SCUBE2: variants seen among roughly 807,000 people sequenced by gnomAD.
The protein encoded by SCUBE2 is signal peptide, CUB domain and EGF like domain containing 2.
In SCUBE2, 114 loss-of-function variants were observed where a neutral mutation model predicts 125.9. The observed-to-expected ratio is 0.91, with a 90% CI of 0.78 to 1.06. The LOEUF (loss-of-function observed/expected upper bound fraction) is 1.06, where lower values mean the gene tolerates loss of function less well. Among genes scored for constraint, SCUBE2 ranks in the 50% least tolerant of loss-of-function variants. The probability of loss-of-function intolerance (pLI) is 0.00; values close to 1 mark genes in which losing one functional copy is unlikely to be tolerated. For missense variants in SCUBE2, 1,255 were observed against 1,301.8 expected (o/e 0.96, Z 0.55); for synonymous variants, 459 against 492.9 (o/e 0.93, Z 0.91).
chr11:9,088,654 T>A (rs1363532906), intron 2 of SCUBE2, among the ~76,000 whole-genome samples: 1 of 152,148 alleles, frequency 6.6e-6, no homozygotes, highest in Non-Finnish European at 1.5e-5. Flanking sequence ...TCTAAAGAGT[T>A]TAAAACCTCT....
chr11:9,022,031 G>A (rs931660609), intron 21 of SCUBE2, 76 bp from the exon 22 acceptor site: 11 of 1,128,166 alleles, frequency 9.8e-6, no homozygotes, highest in Middle Eastern at 2.0e-4. Flanking sequence ...TTTTTGATAA[G>A]GTTCTGAGAA....
Position 9,050,642 on chromosome 11 carries a change from C to T in SCUBE2, c.1603G>A (p.Glu535Lys). 6.2e-7 allele frequency: 1 copy of T among 1,614,208 alleles called. No individual in the cohort carries two copies. The highest frequency in any genetic ancestry group is 1.7e-5 in the Admixed American group (1 of 60,034). The change falls in exon 14 of 23, where the codon GAG (glutamate) becomes AAG (lysine). Residue 535 changes from glutamate (E) to lysine (K), a missense_variant. Around this residue, in one of 3 missense-constraint regions of SCUBE2, gnomAD observed 378 missense variants for 463.1 expected, o/e 0.82. Transcript: ENST00000649792. The stretch of plus-strand genomic sequence containing the variant: ...GGTCGCAGACCCTCGGGAAACAGCT[C>T]AGCATTTTTCAAACTACACTTGCCT... ...NEGKCSLKNA[E>K]LFPEGLRPAL...
At chr11:9,053,351 G>A (rs1368030541) in intron 11 of SCUBE2, 136 bp from the exon 12 acceptor site, 1 of 779,834 alleles carries the variant, frequency 1.3e-6, no homozygotes, top group Non-Finnish European at 2.1e-6. Flanking sequence ...TAGATGCTAG[G>A]CCTTATTCCC....
At chr11:9,080,014 A>C (rs1861513465) in intron 2 of SCUBE2, among the ~76,000 whole-genome samples, 1 of 152,234 alleles carries the variant, frequency 6.6e-6, no homozygotes, top group Non-Finnish European at 1.5e-5. Context: ...AATTTTGAAA[A>C]AGGAGAACAA....
chr11:9,021,323 G>T, intron 22 of SCUBE2, 126 bp from the exon 23 acceptor site: 1 of 661,728 alleles, frequency 1.5e-6, no homozygotes, highest in Non-Finnish European at 2.2e-6. Flanking sequence ...TGCAAAAATT[G>T]TTTCCTCTGA....
chr11:9,036,276 G>C (rs1856745737), intron 16 of SCUBE2, among the ~76,000 whole-genome samples: 1 of 152,214 alleles, frequency 6.6e-6, no homozygotes, highest in Non-Finnish European at 1.5e-5. Context: ...ATGGCAAATA[G>C]AGTATAATTC....
intron 3 of SCUBE2, among the ~76,000 whole-genome samples, chr11:9,076,189 C>A (rs530656717): frequency 5.9e-5 from 9 of 152,144 alleles, no homozygotes; most frequent in African/African-American, 2.2e-4. Context: ...AGGAGACAGC[C>A]AGAGGTAGAA....
At chr11:9,029,361 C>G (rs1338955877) in intron 19 of SCUBE2, among the ~76,000 whole-genome samples, 1 of 152,196 alleles carries the variant, frequency 6.6e-6, no homozygotes, top group Admixed American at 6.5e-5. Context: ...GTGCTTCCCC[C>G]AGCTGCTCTC....
At chr11:9,074,357 C>T (rs1052304267) in intron 4 of SCUBE2, 124 bp downstream of exon 4, 10 of 1,229,326 alleles carry the variant, frequency 8.1e-6, no homozygotes, top group Middle Eastern at 2.8e-4. Flanking sequence ...AGTCTGGACT[C>T]GTCCTCAGGC....
chr11:9,045,847 G>A (rs1857676999), intron 16 of SCUBE2, among the ~76,000 whole-genome samples: 1 of 151,990 alleles, frequency 6.6e-6, no homozygotes, highest in Non-Finnish European at 1.5e-5. Flanking sequence ...TGCTGTGAGG[G>A]CTACAGAATT....
Position 9,030,486 on chromosome 11 carries a change from A to G in SCUBE2, c.2341+272T>C, listed in dbSNP as rs1035528079. The G allele has an allele frequency of 6.5e-6, 3 of 463,762 alleles. No homozygotes were observed. The Admixed American group carries it at 1.1e-4, about 18-fold the overall frequency. The allele number at this position is 463,762 out of a possible 1,614,324, so 28.7% of individuals were successfully genotyped here. On this transcript the variant is annotated intron_variant, in intron 18 of 22. Transcript: ENST00000649792. ...ACTGAGATGGAGGAGGGCTAGAGGAAGGAACCAGGGGAACCTGTGTACCAA... is the reference window on the plus strand; with the variant it reads ...ACTGAGATGGAGGAGGGCTAGAGGAGGGAACCAGGGGAACCTGTGTACCAA...
chr11:9,026,164 T>C (rs1279681968), intron 20 of SCUBE2: 3 of 220,126 alleles, frequency 1.4e-5, no homozygotes, highest in Non-Finnish European at 2.7e-5. Context: ...TGTCATCTAA[T>C]TGTCATCACC....
Position 9,091,349 on chromosome 11 carries a change from T to C in SCUBE2, c.133+47A>G. ...CCGCCGGGGACCTAAACACTCTTCC[T>C]GGCCCTGCCTGCTGTGCCAGGTGCG... On this transcript the variant is annotated intron_variant, in intron 1 of 22. Coordinates refer to ENST00000649792, the MANE Select transcript of SCUBE2 (RefSeq NM_001367977.2). This position sits in a 1 kb window ranked among gnomAD's most constrained non-coding sequence, Gnocchi z 8.5. The C allele has an allele frequency of 7.9e-7, 1 of 1,268,888 alleles. No homozygotes were observed. The highest frequency in any genetic ancestry group is 9.9e-7 in the Non-Finnish European group (1 of 1,005,674). The allele number at this position is 1,268,888 out of a possible 1,614,324, so 78.6% of individuals were successfully genotyped here. A position where few individuals can be genotyped will look rare whatever the true frequency, so the allele number is the denominator to read the frequency against.
chr11:9,089,786 G>A lies in SCUBE2; in HGVS notation c.177C>T (p.Asp59=), dbSNP rs143387393. 18 of 1,613,852 alleles carry A rather than the reference G, an allele frequency of 1.1e-5. No individual in the cohort carries two copies. Among genetic ancestry groups the A allele is most frequent in the East Asian group, 2.2e-5 (1 of 44,856 alleles). The part of the protein sequence containing the change: ...CAQGLDDCHA[D]ALCQNTPTSY... Reference sequence around the variant, plus strand: ...AGGTGGGTGTGTTCTGACACAGGGCGTCGGCATGGCAGTCATCTAGCCCTT... The same window carrying A: ...AGGTGGGTGTGTTCTGACACAGGGCATCGGCATGGCAGTCATCTAGCCCTT... Residue 59 remains aspartate, a synonymous_variant, in exon 2 of 23, where the codon GAC becomes GAT. Transcript: ENST00000649792.
chr11:9,068,504 A>T (rs1860474901), intron 5 of SCUBE2, among the ~76,000 whole-genome samples: 2 of 152,178 alleles, frequency 1.3e-5, no homozygotes, highest in South Asian at 4.1e-4. Flanking sequence ...ACCTGGGGAG[A>T]CAGACACATC....
intron 19 of SCUBE2, among the ~76,000 whole-genome samples, chr11:9,027,934 C>G (rs1271087002): frequency 6.6e-6 from 1 of 152,192 alleles, no homozygotes. Context: ...GGGAACAGAG[C>G]TCATTGCTCT....
intron 3 of SCUBE2, 141 bp from the exon 4 acceptor site, chr11:9,074,756 G>C (rs1319935479): frequency 9.9e-7 from 1 of 1,010,262 alleles, no homozygotes; most frequent in African/African-American, 1.6e-5. Flanking sequence ...AATCAAAGCC[G>C]GTAAGGTCCA....
At chr11:9,030,609 C>G (rs1856219763) in intron 18 of SCUBE2, 149 bp downstream of exon 18, 2 of 786,996 alleles carry the variant, frequency 2.5e-6, no homozygotes, top group Admixed American at 4.7e-5. Context: ...GCCCCCTGCA[C>G]ATCCTGCTGG....
At chr11:9,086,628 G>A (rs943733925) in intron 2 of SCUBE2, among the ~76,000 whole-genome samples, 16 of 152,134 alleles carry the variant, frequency 1.1e-4, no homozygotes, top group African/African-American at 3.9e-4. Context: ...CAAGGTGGGT[G>A]GATCATCTGA....
Sources: gnomAD v4.1 joint callset for allele counts (sites outside exome capture counted in the v4.1 genomes callset) on GRCh38, gnomAD v4.1.1 for gene constraint, gnomAD v4.1.1 regional missense constraint, Gnocchi (gnomAD v3.1) non-coding constraint, MANE v1.5 for transcripts, NCBI Gene and HGNC (gene_info 2026-07-23, HGNC 2026-07-21) for gene names.